The following GPC5 variants were observed in gnomAD, a reference collection of about 807,000 sequenced individuals.
The protein encoded by GPC5 is glypican-5.
GPC5 carries 47 observed loss-of-function variants against 53.9 expected under a neutral mutation model. The ratio of observed to expected loss-of-function variants is 0.87; its 90% CI spans 0.69 to 1.11. The LOEUF (loss-of-function observed/expected upper bound fraction) is 1.11. Ranked by LOEUF, GPC5 falls within the 50% of genes most tolerant of loss-of-function variation. The pLI is 0.00. For missense variants in GPC5, 748 were observed against 713.1 expected (o/e 1.05, Z -0.56); for synonymous variants, 286 against 263.3 (o/e 1.09, Z -0.84).
chr13:91,985,656 C>G (rs2040400120), intron 6 of GPC5, among the ~76,000 whole-genome samples: 1 of 151,956 alleles, frequency 6.6e-6, no homozygotes, highest in African/African-American at 2.4e-5. Context: ...TTGTTGTAGC[C>G]TATTTTAAGA....
intron 7 of GPC5, among the ~76,000 whole-genome samples, chr13:92,515,681 A>G (rs1406570844): frequency 1.3e-5 from 2 of 152,174 alleles, no homozygotes; most frequent in African/African-American, 4.8e-5. Flanking sequence ...AATCAATAAG[A>G]CACAGTGTAA....
intron 6 of GPC5, among the ~76,000 whole-genome samples, chr13:92,106,413 CAT>C (rs2041510513): frequency 6.6e-6 from 1 of 151,964 alleles, no homozygotes; most frequent in South Asian, 2.1e-4. Flanking sequence ...TTATATGACA[CAT>C]AGATTTTGGA....
At chr13:91,474,176 A>G (rs1409324448) in intron 2 of GPC5, among the ~76,000 whole-genome samples, 1 of 152,120 alleles carries the variant, frequency 6.6e-6, no homozygotes, top group Non-Finnish European at 1.5e-5. Flanking sequence ...TTTGATGGAG[A>G]CATTTTGCAT....
chr13:92,178,187 C>G (rs2042121953), intron 7 of GPC5, among the ~76,000 whole-genome samples: 1 of 152,116 alleles, frequency 6.6e-6, no homozygotes, highest in African/African-American at 2.4e-5. Context: ...AGTACTGTCA[C>G]AGCAGGCGCA....
chr13:92,235,459 A>G (rs888224576), intron 7 of GPC5, among the ~76,000 whole-genome samples: 2 of 152,042 alleles, frequency 1.3e-5, no homozygotes, highest in Non-Finnish European at 1.5e-5. Flanking sequence ...GTTTTCCTCA[A>G]TTTTCATACC....
intron 5 of GPC5, among the ~76,000 whole-genome samples, chr13:91,817,461 A>G (rs765904481): frequency 2.6e-5 from 4 of 152,212 alleles, no homozygotes; most frequent in Non-Finnish European, 5.9e-5. Flanking sequence ...AAATAAAATG[A>G]TAATTAAGTA....
At chr13:92,674,066 T>C (rs1186948548) in intron 7 of GPC5, among the ~76,000 whole-genome samples, 2 of 152,224 alleles carry the variant, frequency 1.3e-5, no homozygotes, top group East Asian at 1.9e-4. Flanking sequence ...ATGGCAAATA[T>C]TGAAACTGGA....
At chr13:91,830,270 T>G (rs2038635056) in intron 5 of GPC5, among the ~76,000 whole-genome samples, 1 of 152,140 alleles carries the variant, frequency 6.6e-6, no homozygotes, top group Non-Finnish European at 1.5e-5. Flanking sequence ...GGCTCTGTTC[T>G]GCCCAGCTCA....
intron 1 of GPC5, among the ~76,000 whole-genome samples, chr13:91,428,455 G>T (rs1029346130): frequency 6.6e-6 from 1 of 152,172 alleles, no homozygotes; most frequent in Non-Finnish European, 1.5e-5. Context: ...AACCAATCAG[G>T]AACTGAGGCT....
intron 7 of GPC5, among the ~76,000 whole-genome samples, chr13:92,361,213 A>T (rs2139281556): frequency 6.6e-6 from 1 of 151,878 alleles, no homozygotes; most frequent in Non-Finnish European, 1.5e-5. Context: ...GATGCTAAAG[A>T]AAACCTTTGG....
chr13:91,693,864 CA>C lies in GPC5; in HGVS notation c.1008del (p.Lys336AsnfsTer6). ...TGTGTTACAGGCTCACCTCAATGGA[CA>C]AAAATTATTGGAACAGGTAAGTAGG... ...DAVLQAHLNGQKLLEQVNRIC... is the reference protein window; with the variant it reads ...DAVLQAHLNGXKLLEQVNRIC... On this transcript the variant is annotated frameshift_variant, in exon 3 of 8. Coordinates refer to ENST00000377067, the MANE Select transcript of GPC5 (RefSeq NM_004466.6). LOFTEE classifies it high-confidence loss of function. 3 of 1,593,480 alleles carry C rather than the reference CA, an allele frequency of 1.9e-6. No individual in the cohort carries two copies. Among genetic ancestry groups the C allele is most frequent in the Non-Finnish European group, 1.7e-6 (2 of 1,169,538 alleles).
At chr13:92,193,008 C>A (rs1193016255) in intron 7 of GPC5, among the ~76,000 whole-genome samples, 1 of 152,160 alleles carries the variant, frequency 6.6e-6, no homozygotes. Flanking sequence ...AATCCCATCT[C>A]TACTAAAAAT....
Position 92,623,542 on chromosome 13 carries a change from G to GA in GPC5, c.1562-242734dup, listed in dbSNP as rs199790141. Among the ~76,000 whole-genome samples, 687 of 152,164 alleles carry GA rather than the reference G, an allele frequency of 4.5e-3. 7 individuals carry two copies. Among genetic ancestry groups the GA allele is most frequent in the African/African-American group, 0.015 (641 of 41,538 alleles). On this transcript the variant is annotated intron_variant, in intron 7 of 7. Coordinates refer to ENST00000377067, the MANE Select transcript of GPC5 (RefSeq NM_004466.6). The stretch of plus-strand genomic sequence containing the variant: ...TAATTCTTACATTATTAAAATGAGA[G>GA]AAAAAAGCTAGTTTATTATTAACAA...
intron 7 of GPC5, among the ~76,000 whole-genome samples, chr13:92,534,126 A>C (rs1462319566): frequency 6.6e-6 from 1 of 152,114 alleles, no homozygotes; most frequent in African/African-American, 2.4e-5. Flanking sequence ...ATCTCTATAA[A>C]AAAGTTTTAA....
intron 7 of GPC5, among the ~76,000 whole-genome samples, chr13:92,491,732 A>C (rs2138912851): frequency 6.6e-6 from 1 of 152,246 alleles, no homozygotes; most frequent in South Asian, 2.1e-4. Flanking sequence ...ATTACTCTAA[A>C]AATTAAGCAG....
rs571373833 is a variant in GPC5, at chr13:92,383,787, AT to A, written c.1561+238805del. On this transcript the variant is annotated intron_variant, in intron 7 of 7. Transcript: ENST00000377067. ...CTAATAAATTATATTTTAACTTAAA[AT>A]TTTTTTCTATTTAAAAAGTTTTTGA... Among the ~76,000 whole-genome samples the A allele has an allele frequency of 1.7e-3, 254 of 152,136 alleles. 2 individuals are homozygous for A. Among genetic ancestry groups the A allele is most frequent in the Non-Finnish European group, 2.9e-3 (195 of 68,022 alleles).
chr13:92,490,710 ATTATC>A (rs750197336), intron 7 of GPC5, among the ~76,000 whole-genome samples: 3 of 152,104 alleles, frequency 2.0e-5, no homozygotes, highest in African/African-American at 4.8e-5. Context: ...TAATTCTAAT[ATTATC>A]TTATATTTGA....
At chr13:92,286,225 G>A (rs188322033) in intron 7 of GPC5, among the ~76,000 whole-genome samples, 7,280 of 152,148 alleles carry the variant, frequency 0.048, 609 homozygotes, top group African/African-American at 0.17. Context: ...TCATTAAAAA[G>A]TCAGGAAACA....
chr13:92,439,565 A>C (rs7330819), intron 7 of GPC5, among the ~76,000 whole-genome samples: 10,092 of 152,218 alleles, frequency 0.066, 364 homozygotes, highest in Admixed American at 0.095. Flanking sequence ...TTTTTCATAA[A>C]GTGTGGGTAC....
Sources: gnomAD v4.1 joint callset for allele counts (sites outside exome capture counted in the v4.1 genomes callset) on GRCh38, gnomAD v4.1.1 for gene constraint, MANE v1.5 for transcripts, NCBI Gene and HGNC (gene_info 2026-07-23, HGNC 2026-07-21) for gene names.